CEP43: variants seen among roughly 807,000 people sequenced by gnomAD.
The protein encoded by CEP43 is centrosomal protein 43, also known as FGFR1 oncogene partner.
A neutral mutation model predicts 52.6 loss-of-function variants in CEP43; 36 were observed. The ratio of observed to expected loss-of-function variants is 0.68; its 90% CI spans 0.52 to 0.90. CEP43 has a LOEUF of 0.90. CEP43 is among the 40% of genes least tolerant of loss of function. The probability of loss-of-function intolerance (pLI) is 0.00; values close to 1 mark genes in which losing one functional copy is unlikely to be tolerated. For missense variants in CEP43, 506 were observed against 472.8 expected (o/e 1.07, Z -0.65); for synonymous variants, 192 against 172.4 (o/e 1.11, Z -0.89).
At chr6:167,004,907 C>T (rs932821439) in intron 5 of CEP43, among the ~76,000 whole-genome samples, 14 of 152,200 alleles carry the variant, frequency 9.2e-5, no homozygotes, top group African/African-American at 2.9e-4. Flanking sequence ...TTTTGCTTTA[C>T]GCTGTTTAGA....
At chr6:167,001,608 A>T (rs1308638247) in intron 2 of CEP43, among the ~76,000 whole-genome samples, 1 of 152,192 alleles carries the variant, frequency 6.6e-6, no homozygotes, top group East Asian at 1.9e-4. Flanking sequence ...CCTGTATGTT[A>T]AACTGCCCAC....
Position 167,017,700 on chromosome 6 carries a change from A to G in CEP43, c.579+4133A>G, listed in dbSNP as rs182353668. ...TCTAGTGCTGACTTTTTGTTAATCT[A>G]GAAATGATTGGCTTCTTTATTATAT... is the stretch of plus-strand genomic sequence containing the variant. On this transcript the variant is annotated intron_variant, in intron 7 of 12. Transcript: ENST00000366847. Among the ~76,000 whole-genome samples the G allele has an allele frequency of 6.0e-3, 916 of 152,098 alleles. 20 individuals carry two copies. Among genetic ancestry groups the G allele is most frequent in the Non-Finnish European group, 4.0e-3 (271 of 68,002 alleles).
At chr6:167,036,325 T>G (rs1780584640) in intron 12 of CEP43, 2 of 985,362 alleles carry the variant, frequency 2.0e-6, no homozygotes, top group African/African-American at 1.7e-5. Context: ...AGAGCTTCAC[T>G]GGAGGGTGCT....
intron 12 of CEP43, chr6:167,036,622 GAT>G: frequency 1.0e-6 from 1 of 985,330 alleles, no homozygotes. Flanking sequence ...AGTTCCCGTC[GAT>G]TTGTATGAAG....
chr6:167,034,874 T>C (rs1441520828), intron 12 of CEP43, among the ~76,000 whole-genome samples: 2 of 134,528 alleles, frequency 1.5e-5, no homozygotes, highest in East Asian at 4.2e-4. Context: ...ACTTCTCTAA[T>C]TCCTGATGTA....
At chr6:167,018,087 T>A (rs1455827068) in intron 7 of CEP43, among the ~76,000 whole-genome samples, 1 of 152,174 alleles carries the variant, frequency 6.6e-6, no homozygotes, top group Non-Finnish European at 1.5e-5. Context: ...CTGTTTGGCT[T>A]GTAGATGGAT....
chr6:167,022,277 C>CACAA lies in CEP43; in HGVS notation c.580-129_580-128insAACA, dbSNP rs1780253045. On this transcript the variant is annotated intron_variant, in intron 7 of 12. Coordinates refer to ENST00000366847, the MANE Select transcript of CEP43 (RefSeq NM_007045.4). ...CTGCCCCAACACACACACACACACACACACACACACACACACACAAAGGTT... is the reference window on the plus strand; with the variant it reads ...CTGCCCCAACACACACACACACACACACAAACACACACACACACACACAAAGGTT... The CACAA allele has an allele frequency of 2.1e-5, 13 of 631,942 alleles. No individual in the cohort carries two copies. In the East Asian group the frequency reaches 3.6e-4, roughly 17 times the overall value. 39.1% of individuals were successfully genotyped at this position (631,942 alleles called of 1,614,324 possible). A position where few individuals can be genotyped will look rare whatever the true frequency, so the allele number is the denominator to read the frequency against.
At chr6:167,020,780 G>A (rs1414953070) in intron 7 of CEP43, among the ~76,000 whole-genome samples, 5 of 151,948 alleles carry the variant, frequency 3.3e-5, no homozygotes, top group African/African-American at 1.2e-4. Flanking sequence ...GTGGTGGCAC[G>A]CGCCTGAAAT....
chr6:167,024,699 G>A, intron 8 of CEP43, 83 bp from the exon 9 acceptor site: 1 of 901,748 alleles, frequency 1.1e-6, no homozygotes, highest in Non-Finnish European at 1.8e-6. Context: ...ATATCTTTAA[G>A]TTGCTTTTGT....
At chr6:167,024,278 CTAT>C (rs1373195573) in intron 8 of CEP43, among the ~76,000 whole-genome samples, 1 of 152,106 alleles carries the variant, frequency 6.6e-6, no homozygotes, top group African/African-American at 2.4e-5. Flanking sequence ...TGAAATCTTT[CTAT>C]AAGAAAGTAA....
chr6:167,033,099 CTTTTTTTTTTTTTTTT>C (rs71032896), intron 11 of CEP43, among the ~76,000 whole-genome samples: 6 of 68,298 alleles, frequency 8.8e-5, no homozygotes, highest in Admixed American at 2.6e-4. Context: ...TTGCCATTCT[CTTTTTTTTTTTTTTTT>C]TTTTTTTTTT....
At chr6:167,017,205 T>C (rs182607020) in intron 7 of CEP43, among the ~76,000 whole-genome samples, 3,078 of 151,964 alleles carry the variant, frequency 0.02, 51 homozygotes, top group East Asian at 0.092. Context: ...CTGTGTTAGC[T>C]AGGATGGTCT....
chr6:167,013,430 CT>C, intron 6 of CEP43, 77 bp from the exon 7 acceptor site: 1 of 1,203,380 alleles, frequency 8.3e-7, no homozygotes, highest in South Asian at 1.3e-5. Flanking sequence ...CAGTAGGTAT[CT>C]TTGTTTGGTA....
chr6:167,003,187 T>A lies in CEP43; in HGVS notation c.157-6T>A, dbSNP rs755078420. 4 of 1,370,132 alleles carry A rather than the reference T, an allele frequency of 2.9e-6. No individual in the cohort carries two copies. Among genetic ancestry groups the A allele is most frequent in the South Asian group, 1.3e-5 (1 of 74,818 alleles). The allele number at this position is 1,370,132 out of a possible 1,614,324, so 84.9% of individuals were successfully genotyped here. A position where few individuals can be genotyped will look rare whatever the true frequency, so the allele number is the denominator to read the frequency against. ...CATGACACTTAAATTTTTTTTTTTT[T>A]AACAGAACAAAACTCCTTTAGTTAA... On this transcript the variant is annotated splice_polypyrimidine_tract_variant and splice_region_variant and intron_variant, in intron 2 of 12. Transcript: ENST00000366847.
Position 167,050,331 on chromosome 6 carries a change from C to T in CEP43, c.*10353C>T, listed in dbSNP as rs947344249. 4 of 152,276 alleles carry T rather than the reference C, an allele frequency of 2.6e-5. No individual in the cohort carries two copies. The highest frequency in any genetic ancestry group is 5.9e-5 in the Non-Finnish European group (4 of 68,082). The allele number at this position is 152,276 out of a possible 1,614,324, so 9.4% of individuals were successfully genotyped here. On this transcript the variant is annotated 3_prime_UTR_variant, in exon 13 of 13. Coordinates refer to ENST00000366847, the MANE Select transcript of CEP43 (RefSeq NM_007045.4). ...ATGCTGAACTGTGAGTCAATTAAAC[C>T]TCTTTCCTTTATAAATTACCAAGCT... is the stretch of plus-strand genomic sequence containing the variant.
At chr6:167,033,992 CAT>C in intron 12 of CEP43, 21 bp downstream of exon 12, 4 of 1,183,414 alleles carry the variant, frequency 3.4e-6, no homozygotes, top group African/African-American at 1.6e-5. Flanking sequence ...CTGCATTTCC[CAT>C]AGAGTGCTTT....
chr6:167,008,205 T>G (rs1239726860), intron 5 of CEP43, among the ~76,000 whole-genome samples: 4 of 152,160 alleles, frequency 2.6e-5, no homozygotes, highest in Admixed American at 1.3e-4. Context: ...CTTGTGTTTT[T>G]TCGCCTTCTC....
Position 167,042,085 on chromosome 6 carries a change from G to A in CEP43, c.*2107G>A, listed in dbSNP as rs752700171. 1.8e-4 allele frequency: 174 copies of A among 969,318 alleles called. No homozygotes were observed. The highest frequency in any genetic ancestry group is 2.0e-4 in the Non-Finnish European group (162 of 808,566). The allele number at this position is 969,318 out of a possible 1,614,324, so 60.0% of individuals were successfully genotyped here. On this transcript the variant is annotated 3_prime_UTR_variant, in exon 13 of 13. Coordinates refer to ENST00000366847, the MANE Select transcript of CEP43 (RefSeq NM_007045.4). ...TCCTGCCTTAGCCTCCTAAAGTGCC[G>A]GGATTACAGGCGTGAACCACCGCAC...
intron 5 of CEP43, among the ~76,000 whole-genome samples, chr6:167,008,072 T>C (rs1779894464): frequency 6.6e-6 from 1 of 152,172 alleles, no homozygotes. Flanking sequence ...CTTCAGCCCT[T>C]ATGAAATGTT....
Sources: gnomAD v4.1 joint callset for allele counts (sites outside exome capture counted in the v4.1 genomes callset) on GRCh38, gnomAD v4.1.1 for gene constraint, MANE v1.5 for transcripts, NCBI Gene and HGNC (gene_info 2026-07-23, HGNC 2026-07-21) for gene names.